The following ADIPOQ variants were observed in gnomAD, a reference collection of about 807,000 sequenced individuals.
The protein encoded by ADIPOQ is adiponectin, C1Q and collagen domain containing.
A neutral mutation model predicts 16.1 loss-of-function variants in ADIPOQ; 19 were observed. That is an observed-to-expected ratio of 1.18 (90% CI 0.82 to 1.73). The LOEUF (loss-of-function observed/expected upper bound fraction) is 1.73, where lower values mean the gene tolerates loss of function less well. Among genes scored for constraint, ADIPOQ ranks in the 40% most tolerant of loss-of-function variants. The probability of loss-of-function intolerance (pLI) is 0.00; values close to 1 mark genes in which losing one functional copy is unlikely to be tolerated. For missense variants in ADIPOQ, 323 were observed against 308.3 expected, an observed-to-expected ratio of 1.05 and a Z score of -0.36; for synonymous variants, 124 against 125.5, an observed-to-expected ratio of 0.99 and a Z score of 0.08.
At chr3:186,843,997 A>G (rs1306818397) in intron 1 of ADIPOQ, among the ~76,000 whole-genome samples, 1 of 152,062 alleles carries the variant, frequency 6.6e-6, no homozygotes, top group Non-Finnish European at 1.5e-5. Flanking sequence ...GGTGGCACCA[A>G]CTCACTCCTA....
At chr3:186,850,798 T>C (rs1232982260) in intron 1 of ADIPOQ, among the ~76,000 whole-genome samples, 1 of 152,090 alleles carries the variant, frequency 6.6e-6, no homozygotes, top group Non-Finnish European at 1.5e-5. Context: ...TAAAGTATGA[T>C]TCCACTATGT....
At chr3:186,853,307 T>C in intron 2 of ADIPOQ, 35 bp downstream of exon 2, 1 of 1,550,244 alleles carries the variant, frequency 6.5e-7, no homozygotes, top group Middle Eastern at 1.7e-4. Flanking sequence ...ATCACAGACC[T>C]CCTACACTGA....
intron 1 of ADIPOQ, chr3:186,852,801 G>T: frequency 2.0e-6 from 1 of 500,624 alleles, no homozygotes; most frequent in Non-Finnish European, 3.6e-6. Context: ...TGCAATCACT[G>T]AATTCATAAT....
In ADIPOQ at chr3:186,854,281, T is replaced by C. The variant is rs1224123000; in HGVS notation, c.312T>C (p.Pro104=). 3 of 1,614,010 alleles carry C rather than the reference T, an allele frequency of 1.9e-6. No homozygotes were observed. In the Admixed American group the frequency reaches 5.0e-5, roughly 27 times the overall value. The change falls in exon 3 of 3, where the codon CCT becomes CCC. Residue 104 remains proline (P), a synonymous_variant. Coordinates refer to ENST00000320741, the MANE Select transcript of ADIPOQ (RefSeq NM_004797.4). ...GAATCCAAGGCAGGAAAGGAGAACC[T>C]GGAGAAGGTGCCTATGTATACCGCT... The part of the protein sequence containing the change: ...FPGIQGRKGE[P]GEGAYVYRSA...
chr3:186,846,435 T>C (rs1372267742), intron 1 of ADIPOQ, among the ~76,000 whole-genome samples: 1 of 152,118 alleles, frequency 6.6e-6, no homozygotes, highest in Non-Finnish European at 1.5e-5. Flanking sequence ...GGTTTTGCCA[T>C]ATTGGCCAGG....
rs1712024724 is a variant in ADIPOQ at position 186,856,877 on chromosome 3, T to C, written c.*2173T>C. The stretch of plus-strand genomic sequence containing the variant: ...GAAAAATAAAGGAAAAATGGAAACA[T>C]TTATTCCTTTGCATAATAGAAATTA... On this transcript the variant is annotated 3_prime_UTR_variant, in exon 3 of 3. Transcript: ENST00000320741. 6.6e-6 allele frequency: 1 copy of C among 152,152 alleles called. No individual in the cohort carries two copies. Among genetic ancestry groups the C allele is most frequent in the South Asian group, 2.1e-4 (1 of 4,834 alleles). 9.4% of individuals were successfully genotyped at this position (152,152 alleles called of 1,614,324 possible).
At chr3:186,851,959 G>A (rs1488162451) in intron 1 of ADIPOQ, 1 of 171,578 alleles carries the variant, frequency 5.8e-6, no homozygotes, top group Non-Finnish European at 1.2e-5. Context: ...GGAGGCCTCA[G>A]AAAACTTACA....
At position 186,853,166 on chromosome 3, in the gene ADIPOQ, C is replaced by G; in HGVS notation, c.108C>G (p.Cys36Trp). Residue 36 changes from cysteine (C) to tryptophan (W), a missense_variant, in exon 2 of 3, where the codon TGC (cysteine) becomes TGG (tryptophan). Transcript: ENST00000320741. Reference sequence around the variant, plus strand: ...TGCTTCCCCTGCCCAAGGGGGCCTGCACAGGTTGGATGGCGGGCATCCCAG... The same window carrying G: ...TGCTTCCCCTGCCCAAGGGGGCCTGGACAGGTTGGATGGCGGGCATCCCAG... ...GVLLPLPKGA[C>W]TGWMAGIPGH... The G allele has an allele frequency of 6.2e-7, 1 of 1,614,188 alleles. No homozygotes were observed. The highest frequency in any genetic ancestry group is 8.5e-7 in the Non-Finnish European group (1 of 1,180,006).
Position 186,854,234 on chromosome 3 carries a change from G to C in ADIPOQ, c.265G>C (p.Glu89Gln). 1 of 1,613,712 alleles carries C rather than the reference G, an allele frequency of 6.2e-7. No individual in the cohort carries two copies. The highest frequency in any genetic ancestry group is 8.5e-7 in the Non-Finnish European group (1 of 1,179,668). The change falls in exon 3 of 3, where the codon GAA (glutamate) becomes CAA (glutamine). Residue 89 changes from glutamate (E) to glutamine (Q), a missense_variant. Physicochemically the swap from Glu to Gln is conservative, Grantham distance 29. Transcript: ENST00000320741. ...DIGETGVPGAEGPRGFPGIQG... is the reference protein window; with the variant it reads ...DIGETGVPGAQGPRGFPGIQG... ...CGGTGAAACCGGAGTACCCGGGGCTGAAGGTCCCCGAGGCTTTCCGGGAAT... is the reference window on the plus strand; with the variant it reads ...CGGTGAAACCGGAGTACCCGGGGCTCAAGGTCCCCGAGGCTTTCCGGGAAT...
chr3:186,852,783 G>A (rs1711826728), intron 1 of ADIPOQ: 3 of 451,478 alleles, frequency 6.6e-6, no homozygotes, highest in African/African-American at 3.9e-5. Context: ...TTAGAGGAGT[G>A]TCATCTGTGC....
chr3:186,853,080 C>CT lies in ADIPOQ; in HGVS notation c.23dup (p.Leu9ThrfsTer9), dbSNP rs759747979. 4 of 1,612,286 alleles carry CT rather than the reference C, an allele frequency of 2.5e-6. No homozygotes were observed. The highest frequency in any genetic ancestry group is 3.4e-6 in the Non-Finnish European group (4 of 1,179,212). The stretch of plus-strand genomic sequence containing the variant: ...CAGGATGCTGTTGCTGGGAGCTGTT[C>CT]TACTGCTATTAGCTCTGCCCGGTCA... On this transcript the variant is annotated frameshift_variant, in exon 2 of 3. Coordinates refer to ENST00000320741, the MANE Select transcript of ADIPOQ (RefSeq NM_004797.4). LOFTEE classifies it high-confidence loss of function.
chr3:186,844,125 C>T (rs1711516247), intron 1 of ADIPOQ, among the ~76,000 whole-genome samples: 1 of 152,168 alleles, frequency 6.6e-6, no homozygotes, highest in African/African-American at 2.4e-5. Flanking sequence ...TTCATGAAGG[C>T]CAGTGGTACA....
chr3:186,853,334 G>T (rs1501299), intron 2 of ADIPOQ, 62 bp downstream of exon 2: 412,515 of 1,524,528 alleles, frequency 0.27, 56,885 homozygotes, highest in African/African-American at 0.36. Flanking sequence ...CTATATGAAG[G>T]CATTCATTAT....
intron 1 of ADIPOQ, among the ~76,000 whole-genome samples, chr3:186,850,757 C>G (rs1432885170): frequency 6.6e-6 from 1 of 151,824 alleles, no homozygotes; most frequent in African/African-American, 2.4e-5. Context: ...TAGAAAATGC[C>G]AAAGACAAAA....
intron 1 of ADIPOQ, among the ~76,000 whole-genome samples, chr3:186,851,733 A>G (rs1379049577): frequency 6.6e-6 from 1 of 151,752 alleles, no homozygotes; most frequent in Non-Finnish European, 1.5e-5. Context: ...CTACTCTGCT[A>G]TTAGTGTGTT....
At chr3:186,850,983 G>T (rs1579207054) in intron 1 of ADIPOQ, among the ~76,000 whole-genome samples, 1 of 152,044 alleles carries the variant, frequency 6.6e-6, no homozygotes, top group South Asian at 2.1e-4. Flanking sequence ...TGAGTTGGAT[G>T]TGCCACGTGA....
intron 1 of ADIPOQ, chr3:186,852,081 C>G (rs1711791692): frequency 6.6e-6 from 1 of 152,392 alleles, no homozygotes; most frequent in Non-Finnish European, 1.5e-5. Context: ...CACTTTCAAC[C>G]AGATCTTGTG....
chr3:186,856,775 G>T lies in ADIPOQ; in HGVS notation c.*2071G>T, dbSNP rs1430271586. Reference sequence around the variant, plus strand: ...GGATGAAGAGGTGAGAGTAAGCCTTGTGTTAGTCAGAACTCTGTGTTGTGA... The same window carrying T: ...GGATGAAGAGGTGAGAGTAAGCCTTTTGTTAGTCAGAACTCTGTGTTGTGA... On this transcript the variant is annotated 3_prime_UTR_variant, in exon 3 of 3. Coordinates refer to ENST00000320741, the MANE Select transcript of ADIPOQ (RefSeq NM_004797.4). The T allele has an allele frequency of 6.6e-6, 1 of 152,138 alleles. No homozygotes were observed. The highest frequency in any genetic ancestry group is 1.5e-5 in the Non-Finnish European group (1 of 68,032). 9.4% of individuals were successfully genotyped at this position (152,138 alleles called of 1,614,324 possible). A position where few individuals can be genotyped will look rare whatever the true frequency, so the allele number is the denominator to read the frequency against.
chr3:186,843,660 C>CAAAAAAAAAAAAAAAAG (rs1711508757), intron 1 of ADIPOQ, among the ~76,000 whole-genome samples: 1 of 126,742 alleles, frequency 7.9e-6, no homozygotes, highest in Non-Finnish European at 1.6e-5. Flanking sequence ...GACTTTGTGT[C>CAAAAAAAAAAAAAAAAG]AAAAAAAAAA....
Sources: allele counts gnomAD v4.1 joint callset (sites outside exome capture counted in the v4.1 genomes callset), GRCh38; gene constraint gnomAD v4.1.1; transcripts MANE v1.5; gene names NCBI Gene and HGNC (gene_info 2026-07-23, HGNC 2026-07-21).